Variants in C12orf71 observed in about 807,000 individuals in gnomAD.
The protein encoded by C12orf71 is chromosome 12 open reading frame 71, also known as uncharacterized protein C12orf71.
C12orf71 carries 10 observed loss-of-function variants against 11.7 expected under a neutral mutation model. The observed-to-expected ratio is 0.86, with a 90% CI of 0.53 to 1.45. The LOEUF is 1.45. Ranked by LOEUF, C12orf71 falls within the 40% of genes most tolerant of loss-of-function variation. The pLI, the probability that C12orf71 is intolerant of heterozygous loss-of-function variation, is 0.00. For missense variants in C12orf71, 293 were observed against 325.8 expected (o/e 0.90, Z 0.78); for synonymous variants, 110 against 123.4 (o/e 0.89, Z 0.72).
rs375029207 is a variant in C12orf71 at position 27,082,385 on chromosome 12, G to A, written c.99C>T (p.Thr33=). The change falls in exon 1 of 2, where the codon ACC becomes ACT. Residue 33 remains threonine, a synonymous_variant. Coordinates refer to ENST00000429849, the MANE Select transcript of C12orf71 (RefSeq NM_001080406.2). ...LSVGYFPCED[T]PCEDTTSWED... is the part of the protein sequence containing the mutation. ...CCCAGGAGGTTGTGTCCTCACAGGG[G>A]GTGTCCTCACAGGGGAAATAGCCCA... 8 of 1,576,322 alleles carry A rather than the reference G, an allele frequency of 5.1e-6. No homozygotes were observed. In the African/African-American group the frequency reaches 1.1e-4, roughly 21 times the overall value.
intron 1 of C12orf71, chr12:27,081,706 G>A (rs1340749019): frequency 2.3e-5 from 16 of 684,650 alleles, no homozygotes; most frequent in Admixed American, 8.9e-5. Flanking sequence ...TTTCCCTACA[G>A]CTTCACCCTG....
At chr12:27,081,717 A>C in intron 1 of C12orf71, 2 of 693,974 alleles carry the variant, frequency 2.9e-6, no homozygotes, top group Middle Eastern at 3.8e-4. Context: ...CTTCACCCTG[A>C]CTCCTTTCCT....
At chr12:27,082,614 C>CTTTTTT, upstream of C12orf71, 1 of 524,136 alleles carries the variant, frequency 1.9e-6, no homozygotes, top group Non-Finnish European at 3.0e-6. Context: ...TCTCTTTTTT[C>CTTTTTT]TTTTTTTTTT....
Position 27,081,258 on chromosome 12 carries a change from A to G in C12orf71, c.726T>C (p.His242=), listed in dbSNP as rs200449770. 75 of 1,613,902 alleles carry G rather than the reference A, an allele frequency of 4.6e-5. No homozygotes were observed. Among genetic ancestry groups the G allele is most frequent in the Admixed American group, 8.3e-5 (5 of 60,020 alleles). The change falls in exon 2 of 2, where the codon CAT becomes CAC. Residue 242 remains histidine (H), a synonymous_variant. Transcript: ENST00000429849. ...AGAGTCTTTTCGTTGGTGCTGACCG[A>G]TGGGGACTTTTGGTGGCATTCACAG... ...DHPVNATKSP[H]RSAPTKRLFH...
chr12:27,083,065 C>A (rs765755683), upstream of C12orf71, among the ~76,000 whole-genome samples: 1 of 152,014 alleles, frequency 6.6e-6, no homozygotes, highest in Non-Finnish European at 1.5e-5. Context: ...CTCAGCCTCC[C>A]GGGTAGCTAG....
intron 1 of C12orf71, 53 bp from the exon 2 acceptor site, chr12:27,081,520 A>T: frequency 1.3e-6 from 2 of 1,535,612 alleles, no homozygotes; most frequent in South Asian, 1.2e-5. Flanking sequence ...ACAACAGCCA[A>T]ATCAACGTTT....
upstream of C12orf71, among the ~76,000 whole-genome samples, chr12:27,082,915 G>GA (rs980971026): frequency 6.6e-6 from 1 of 151,508 alleles, no homozygotes; most frequent in African/African-American, 2.4e-5. Context: ...CATTTAGATA[G>GA]AAGTATTATC....
upstream of C12orf71, among the ~76,000 whole-genome samples, chr12:27,083,891 C>A (rs1374312024): frequency 6.6e-6 from 1 of 152,182 alleles, no homozygotes; most frequent in Non-Finnish European, 1.5e-5. Context: ...ACTGTTTAGT[C>A]CAGCTTTTTC....
upstream of C12orf71, among the ~76,000 whole-genome samples, chr12:27,083,989 CAAAA>C (rs1042532421): frequency 6.6e-6 from 1 of 152,144 alleles, no homozygotes; most frequent in African/African-American, 2.4e-5. Flanking sequence ...CACACACAAA[CAAAA>C]GACTGTCACA....
rs758021995 is a variant in C12orf71, at chr12:27,082,322, C to G, written c.162G>C (p.Leu54=). The G allele has an allele frequency of 3.1e-6, 5 of 1,599,932 alleles. No homozygotes were observed. Among genetic ancestry groups the G allele is most frequent in the South Asian group, 1.1e-5 (1 of 88,420 alleles). Residue 54 remains leucine, a synonymous_variant, in exon 1 of 2, where the codon CTG becomes CTC. Coordinates refer to ENST00000429849, the MANE Select transcript of C12orf71 (RefSeq NM_001080406.2). ...TCCCCCATGCCCCTTGGACGGGAGGCAGAAAGTGGATGGAAGGACCCTTGG... is the reference window on the plus strand; with the variant it reads ...TCCCCCATGCCCCTTGGACGGGAGGGAGAAAGTGGATGGAAGGACCCTTGG... ...APSKGPSIHF[L]PPVQGAWGTE...
chr12:27,081,480 T>C lies in C12orf71; in HGVS notation c.517-13A>G. The C allele has an allele frequency of 2.5e-6, 4 of 1,601,528 alleles. No homozygotes were observed. Among genetic ancestry groups the C allele is most frequent in the Non-Finnish European group, 3.4e-6 (4 of 1,171,400 alleles). ...CCTGGCTTATCATCTGCCATGAAAA[T>C]GAAGGATGTGTTAGGTAGGAATAAC... On this transcript the variant is annotated splice_polypyrimidine_tract_variant and intron_variant, in intron 1 of 1. Transcript: ENST00000429849.
At position 27,082,574 on chromosome 12, in the gene C12orf71, G is replaced by A; in HGVS notation, c.-91C>T. 8.2e-6 allele frequency: 8 copies of A among 971,748 alleles called. No individual in the cohort carries two copies. The highest frequency in any genetic ancestry group is 9.9e-6 in the Non-Finnish European group (7 of 706,148). 60.2% of individuals were successfully genotyped at this position (971,748 alleles called of 1,614,324 possible). Reference sequence around the variant, plus strand: ...TGGGACTAAGGAGAAGAGAGTCATAGTACTTAAGCAAAAACATTATCCATT... The same window carrying A: ...TGGGACTAAGGAGAAGAGAGTCATAATACTTAAGCAAAAACATTATCCATT... On this transcript the variant is annotated 5_prime_UTR_variant, in exon 1 of 2. Transcript: ENST00000429849.
In C12orf71 at chr12:27,082,319, A is replaced by T; in HGVS notation, c.165T>A (p.Pro55=). The T allele has an allele frequency of 6.2e-7, 1 of 1,600,492 alleles. No individual in the cohort carries two copies. Among genetic ancestry groups the T allele is most frequent in the South Asian group, 1.1e-5 (1 of 88,522 alleles). Residue 55 remains proline, a synonymous_variant, in exon 1 of 2, where the codon CCT becomes CCA. Transcript: ENST00000429849. Reference sequence around the variant, plus strand: ...CAGTCCCCCATGCCCCTTGGACGGGAGGCAGAAAGTGGATGGAAGGACCCT... The same window carrying T: ...CAGTCCCCCATGCCCCTTGGACGGGTGGCAGAAAGTGGATGGAAGGACCCT... ...PSKGPSIHFL[P]PVQGAWGTER...
chr12:27,082,977 G>C (rs1245249025), upstream of C12orf71, among the ~76,000 whole-genome samples: 2 of 151,224 alleles, frequency 1.3e-5, no homozygotes, highest in African/African-American at 4.9e-5. Flanking sequence ...GCCTCGCTCT[G>C]TTGTCCAGGC....
At chr12:27,083,722 C>G (rs558377277), upstream of C12orf71, among the ~76,000 whole-genome samples, 4 of 152,124 alleles carry the variant, frequency 2.6e-5, no homozygotes, top group Non-Finnish European at 4.4e-5. Context: ...GTAATAAACC[C>G]GCTTTTCCAT....
upstream of C12orf71, among the ~76,000 whole-genome samples, chr12:27,083,896 T>C (rs147313307): frequency 5.1e-4 from 77 of 152,348 alleles, no homozygotes; most frequent in African/African-American, 1.8e-3. Context: ...TTAGTCCAGC[T>C]TTTTCTGTGA....
chr12:27,081,913 C>A (rs1218578196), intron 1 of C12orf71, 55 bp downstream of exon 1: 8 of 1,519,260 alleles, frequency 5.3e-6, no homozygotes, highest in Non-Finnish European at 6.3e-6. Context: ...TCTTTATTTT[C>A]TGGTGGCTTG....
Position 27,081,449 on chromosome 12 carries a change from C to G in C12orf71, c.535G>C (p.Ala179Pro). Reference sequence around the variant, plus strand: ...TCTGGAGCGCTTGTCCTTTGGCTGGCGGTTGCCTGGCTTATCATCTGCCAT... The same window carrying G: ...TCTGGAGCGCTTGTCCTTTGGCTGGGGGTTGCCTGGCTTATCATCTGCCAT... ...EMVQMISQAT[A>P]SQRTSAPEIS... Residue 179 changes from alanine (A) to proline (P), a missense_variant, in exon 2 of 2, where the codon GCC becomes CCC. By Grantham distance (27) the Ala-to-Pro change is conservative. Coordinates refer to ENST00000429849, the MANE Select transcript of C12orf71 (RefSeq NM_001080406.2). 6.2e-7 allele frequency: 1 copy of G among 1,608,748 alleles called. No individual in the cohort carries two copies. The highest frequency in any genetic ancestry group is 8.5e-7 in the Non-Finnish European group (1 of 1,176,082).
chr12:27,082,043 A>G lies in C12orf71; in HGVS notation c.441T>C (p.Asp147=), dbSNP rs762219231. The G allele has an allele frequency of 2.5e-6, 4 of 1,599,364 alleles. No individual in the cohort carries two copies. The highest frequency in any genetic ancestry group is 1.7e-5 in the Admixed American group (1 of 57,616). ...EFQIFLENLK[D]DDAVFPETAQ... ...CAGTTTCAGGAAATACAGCGTCATC[A>G]TCTTTCAGATTTTCTAGAAATATCT... is the stretch of plus-strand genomic sequence containing the variant. The change falls in exon 1 of 2, where the codon GAT becomes GAC. Residue 147 remains aspartate, a synonymous_variant. Transcript: ENST00000429849.
Sources: gnomAD v4.1 joint callset for allele counts (sites outside exome capture counted in the v4.1 genomes callset) on GRCh38, gnomAD v4.1.1 for gene constraint, MANE v1.5 for transcripts, NCBI Gene and HGNC (gene_info 2026-07-23, HGNC 2026-07-21) for gene names.